The following CELF2 variants were observed in gnomAD, a reference collection of about 807,000 sequenced individuals.
The protein encoded by CELF2 is CUG triplet repeat RNA-binding protein 2.
In CELF2, 8 loss-of-function variants were observed where a neutral mutation model predicts 62.6. The observed-to-expected ratio is 0.13, with a 90% CI of 0.07 to 0.23. CELF2 has a LOEUF of 0.23. CELF2 is among the 10% of genes least tolerant of loss of function. The pLI, the probability that CELF2 is intolerant of heterozygous loss-of-function variation, is 1.00. For missense variants in CELF2, 333 were observed against 671.0 expected, an observed-to-expected ratio of 0.50 and a Z score of 5.56; for synonymous variants, 258 against 250.0, an observed-to-expected ratio of 1.03 and a Z score of -0.30.
rs76379254 is a variant in CELF2 at position 10,950,309 on chromosome 10, T to C, written c.89+30310T>C. The stretch of plus-strand genomic sequence containing the variant: ...AGGACGGGAGGTGCAGGTGAGAGAA[T>C]GGCCACTCTCATGTGCTTCTCTCTG... On this transcript the variant is annotated intron_variant, in intron 2 of 13. Coordinates refer to the CELF2 transcript ENST00000636488. 1.2e-4 allele frequency among the ~76,000 whole-genome samples: 19 copies of C among 152,086 alleles called. No individual in the cohort carries two copies. The East Asian group carries it at 3.5e-3, about 28-fold the overall frequency.
intron 1 of CELF2, among the ~76,000 whole-genome samples, chr10:11,086,598 A>AAAC (rs1594925704): frequency 1.4e-5 from 2 of 146,042 alleles, no homozygotes; most frequent in East Asian, 3.9e-4. Flanking sequence ...AAAAAAAAAA[A>AAAC]AAAAAAAAAA....
In CELF2 at chr10:11,253,910, T is replaced by C. The variant is rs188771969; in HGVS notation, c.404-3828T>C. ...AAATGACTTTTACCCTTCAAGTGTT[T>C]TTTTGTTTTGTTTTGTTTTGGTTTT... On this transcript the variant is annotated intron_variant, in intron 4 of 12. Coordinates refer to ENST00000633077, the MANE Select transcript of CELF2 (RefSeq NM_001326342.2). Among the ~76,000 whole-genome samples, 1,092 of 152,300 alleles carry C rather than the reference T, an allele frequency of 7.2e-3. 6 individuals are homozygous for C. The highest frequency in any genetic ancestry group is 9.6e-3 in the Non-Finnish European group (655 of 68,026).
the CELF2 span, among the ~76,000 whole-genome samples, chr10:10,632,471 A>T: frequency 6.6e-6 from 1 of 152,146 alleles, no homozygotes; most frequent in Non-Finnish European, 1.5e-5. Flanking sequence ...ATAAGCTTCT[A>T]CATAAAAAAG....
At chr10:10,838,427 C>A (rs137890829) in intron 1 of CELF2, among the ~76,000 whole-genome samples, 1 of 152,170 alleles carries the variant, frequency 6.6e-6, no homozygotes, top group African/African-American at 2.4e-5. Flanking sequence ...GAAGTCACAA[C>A]GTGCAGCCCA....
chr10:11,060,704 T>G (rs1161561723), intron 1 of CELF2, among the ~76,000 whole-genome samples: 1 of 152,218 alleles, frequency 6.6e-6, no homozygotes, highest in Non-Finnish European at 1.5e-5. Context: ...CGGTGCCATT[T>G]CCCGATAGCA....
chr10:11,045,937 G>C (rs1163773084), intron 1 of CELF2, among the ~76,000 whole-genome samples: 1 of 152,132 alleles, frequency 6.6e-6, no homozygotes, highest in Non-Finnish European at 1.5e-5. Context: ...TACAATAATG[G>C]GAGTTCACAA....
chr10:11,319,659 C>T lies in CELF2; in HGVS notation c.1097-1530C>T, dbSNP rs1314765985. 8 of 414,976 alleles carry T rather than the reference C, an allele frequency of 1.9e-5. No individual in the cohort carries two copies. The East Asian group carries it at 4.3e-4, about 22-fold the overall frequency. The allele number at this position is 414,976 out of a possible 1,614,324, so 25.7% of individuals were successfully genotyped here. ...AACTGAGCCTGCACTCAGGAGGCTGCCACTCCATTCTCACGCCATTCACAC... is the reference window on the plus strand; with the variant it reads ...AACTGAGCCTGCACTCAGGAGGCTGTCACTCCATTCTCACGCCATTCACAC... On this transcript the variant is annotated intron_variant, in intron 10 of 12. Coordinates refer to ENST00000633077, the MANE Select transcript of CELF2 (RefSeq NM_001326342.2). This position sits in a 1 kb window ranked among gnomAD's most constrained non-coding sequence, Gnocchi z 4.4.
chr10:10,517,359 G>T, the CELF2 span, among the ~76,000 whole-genome samples: 1 of 152,096 alleles, frequency 6.6e-6, no homozygotes, highest in East Asian at 1.9e-4. Flanking sequence ...GCTTCCTCAT[G>T]TTCCCCTTCC....
chr10:11,037,705 G>T (rs1256665119), intron 1 of CELF2, among the ~76,000 whole-genome samples: 1 of 152,212 alleles, frequency 6.6e-6, no homozygotes, highest in Admixed American at 6.5e-5. Context: ...ATTAGACTCA[G>T]TATTGTACGA....
At chr10:10,507,754 T>A in the CELF2 span, among the ~76,000 whole-genome samples, 3 of 152,026 alleles carry the variant, frequency 2.0e-5, no homozygotes, top group Non-Finnish European at 4.4e-5. Flanking sequence ...TTTTCCTCCA[T>A]CCAAATGAAA....
the CELF2 span, among the ~76,000 whole-genome samples, chr10:10,616,719 T>TGTGTGAGA: frequency 7.3e-5 from 4 of 55,142 alleles, no homozygotes; most frequent in Non-Finnish European, 2.4e-4. Flanking sequence ...TGTGTGTGTG[T>TGTGTGAGA]GAGAGAGAGA....
intron 2 of CELF2, chr10:10,937,600 T>C (rs936348177): frequency 5.9e-5 from 9 of 152,200 alleles, no homozygotes; most frequent in African/African-American, 2.2e-4. Flanking sequence ...CAATATTCTG[T>C]TACTGAGCTT....
intron 4 of CELF2, among the ~76,000 whole-genome samples, chr10:11,250,350 A>C (rs768861282): frequency 5.3e-5 from 8 of 152,246 alleles, no homozygotes; most frequent in Non-Finnish European, 7.3e-5. Flanking sequence ...AAGAAAATAA[A>C]AAAATAGCTT....
rs757549326 is a variant in CELF2 at position 11,314,016 on chromosome 10, A to G, written c.977-123A>G. 3 of 1,010,642 alleles carry G rather than the reference A, an allele frequency of 3.0e-6. No homozygotes were observed. Among genetic ancestry groups the G allele is most frequent in the Non-Finnish European group, 4.4e-6 (3 of 677,396 alleles). The allele number at this position is 1,010,642 out of a possible 1,614,324, so 62.6% of individuals were successfully genotyped here. Reference sequence around the variant, plus strand: ...ACAAGTACAATCCCACATGTCCTTCACCCAAAGCCACAAGCACAGCTCCTC... The same window carrying G: ...ACAAGTACAATCCCACATGTCCTTCGCCCAAAGCCACAAGCACAGCTCCTC... On this transcript the variant is annotated intron_variant, in intron 9 of 12. Transcript: ENST00000633077. This position sits in a 1 kb window ranked among gnomAD's most constrained non-coding sequence, Gnocchi z 5.3.
Position 11,159,975 on chromosome 10 carries a change from A to T in CELF2, c.75-5511A>T, listed in dbSNP as rs2065323403. 6.6e-6 allele frequency among the ~76,000 whole-genome samples: 1 copy of T among 152,104 alleles called. No homozygotes were observed. Among genetic ancestry groups the T allele is most frequent in the African/African-American group, 2.4e-5 (1 of 41,410 alleles). ...CTCGCAGCACCCCAATTAACCGGCC[A>T]CTCAGCGGCCTGTCGGAGCCTCCAG... On this transcript the variant is annotated intron_variant, in intron 1 of 12. Coordinates refer to ENST00000633077, the MANE Select transcript of CELF2 (RefSeq NM_001326342.2). This position sits in a 1 kb window ranked among gnomAD's most constrained non-coding sequence, Gnocchi z 5.0.
intron 1 of CELF2, among the ~76,000 whole-genome samples, chr10:11,111,045 A>G (rs1027651073): frequency 4.6e-5 from 7 of 151,994 alleles, no homozygotes; most frequent in African/African-American, 9.7e-5. Flanking sequence ...TGTACTCTCC[A>G]CCCTTTTCCA....
rs1221016208 is a variant in CELF2, at chr10:11,315,648, CA to C, written c.1096+1393del. On this transcript the variant is annotated intron_variant, in intron 10 of 12. Transcript: ENST00000633077. This position sits in a 1 kb window ranked among gnomAD's most constrained non-coding sequence, Gnocchi z 5.8. ...CCGAGCTTTAGCTGACCATACCTCC[CA>C]AATGGGACGGCTCGTGATTAGCGTG... 6.6e-6 allele frequency among the ~76,000 whole-genome samples: 1 copy of C among 152,184 alleles called. No homozygotes were observed. The highest frequency in any genetic ancestry group is 1.5e-5 in the Non-Finnish European group (1 of 68,024).
chr10:11,014,220 A>T (rs993337389), upstream of CELF2, among the ~76,000 whole-genome samples: 1 of 152,236 alleles, frequency 6.6e-6, no homozygotes, highest in African/African-American at 2.4e-5. Flanking sequence ...AATGAGAAGG[A>T]AAAAGAAATC....
At chr10:10,525,737 C>CACTT in the CELF2 span, among the ~76,000 whole-genome samples, 4 of 152,176 alleles carry the variant, frequency 2.6e-5, no homozygotes, top group African/African-American at 9.7e-5. Flanking sequence ...CACCGATGGT[C>CACTT]ACTTAGGTTG....
Sources: gnomAD v4.1 joint callset for allele counts (sites outside exome capture counted in the v4.1 genomes callset) on GRCh38, gnomAD v4.1.1 for gene constraint, Gnocchi (gnomAD v3.1) non-coding constraint, MANE v1.5 for transcripts, NCBI Gene and HGNC (gene_info 2026-07-23, HGNC 2026-07-21) for gene names.